Variants in GALNT13 observed in about 807,000 individuals in gnomAD.
GALNT13 encodes the protein UDP-GalNAc:polypeptide N-acetylgalactosaminyltransferase 13.
In GALNT13, 28 loss-of-function variants were observed where a neutral mutation model predicts 64.2. The ratio of observed to expected loss-of-function variants is 0.44; its 90% CI spans 0.32 to 0.60. The LOEUF is 0.60. Ranked by LOEUF, GALNT13 falls within the 20% of genes least tolerant of loss-of-function variation. The pLI, the probability that GALNT13 is intolerant of heterozygous loss-of-function variation, is 0.05. For missense variants in GALNT13, 577 were observed against 669.8 expected, an observed-to-expected ratio of 0.86 and a Z score of 1.53; for synonymous variants, 214 against 224.6, an observed-to-expected ratio of 0.95 and a Z score of 0.42.
chr2:153,918,722 A>G (rs1233207265), intron 2 of GALNT13, among the ~76,000 whole-genome samples: 1 of 152,106 alleles, frequency 6.6e-6, no homozygotes, highest in African/African-American at 2.4e-5. Flanking sequence ...TGCATGTTCA[A>G]CCTTGTCCCT....
At chr2:153,519,625 C>G in the GALNT13 span, among the ~76,000 whole-genome samples, 34 of 152,270 alleles carry the variant, frequency 2.2e-4, no homozygotes, top group African/African-American at 8.2e-4. Context: ...TCAAGCCATT[C>G]TGTTGCTAGC....
chr2:153,614,369 AATT>A, the GALNT13 span, among the ~76,000 whole-genome samples: 2 of 152,098 alleles, frequency 1.3e-5, no homozygotes, highest in Non-Finnish European at 2.9e-5. Flanking sequence ...GTATGATTAT[AATT>A]ATTATTAATA....
chr2:153,502,679 T>C, the GALNT13 span, among the ~76,000 whole-genome samples: 1 of 152,236 alleles, frequency 6.6e-6, no homozygotes, highest in African/African-American at 2.4e-5. Context: ...TTTTCCATAG[T>C]TGTACTAGGT....
At chr2:154,007,177 T>G (rs1302209842) in intron 3 of GALNT13, among the ~76,000 whole-genome samples, 1 of 152,228 alleles carries the variant, frequency 6.6e-6, no homozygotes, top group Admixed American at 6.5e-5. Context: ...TAGGGCCCTG[T>G]GGCGAGGCAC....
chr2:154,336,884 A>T (rs1695472659), intron 9 of GALNT13, among the ~76,000 whole-genome samples: 1 of 152,108 alleles, frequency 6.6e-6, no homozygotes, highest in South Asian at 2.1e-4. Context: ...AACCACTGAG[A>T]TAAGAATCCT....
intron 3 of GALNT13, among the ~76,000 whole-genome samples, chr2:153,953,540 G>A (rs1692351997): frequency 6.6e-6 from 1 of 152,136 alleles, no homozygotes; most frequent in Non-Finnish European, 1.5e-5. Flanking sequence ...TTATTATAGT[G>A]TAAGTTCACA....
the GALNT13 span, among the ~76,000 whole-genome samples, chr2:153,468,215 G>A: frequency 1.3e-5 from 2 of 151,850 alleles, no homozygotes; most frequent in East Asian, 3.9e-4. Flanking sequence ...ATTGAATCAT[G>A]GAACACTGTT....
the GALNT13 span, among the ~76,000 whole-genome samples, chr2:153,644,899 T>C: frequency 1.3e-5 from 2 of 152,158 alleles, no homozygotes; most frequent in Admixed American, 6.6e-5. Flanking sequence ...CAAACTAATA[T>C]GTCTATGGGA....
the GALNT13 span, among the ~76,000 whole-genome samples, chr2:153,661,342 C>A: frequency 6.6e-6 from 1 of 152,088 alleles, no homozygotes; most frequent in African/African-American, 2.4e-5. Context: ...TGCTCAAAAT[C>A]ACTGGGACCT....
At chr2:154,266,258 T>A (rs967782812) in intron 8 of GALNT13, among the ~76,000 whole-genome samples, 2 of 152,158 alleles carry the variant, frequency 1.3e-5, no homozygotes. Context: ...AACATTATAC[T>A]GGAAGTTTTA....
intron 3 of GALNT13, among the ~76,000 whole-genome samples, chr2:154,031,731 G>T (rs867407028): frequency 1.6e-4 from 25 of 151,854 alleles, no homozygotes; most frequent in African/African-American, 5.3e-4. Flanking sequence ...AAATATATAT[G>T]TACTTAACAA....
chr2:153,317,441 G>GT, the GALNT13 span, among the ~76,000 whole-genome samples: 19 of 152,078 alleles, frequency 1.2e-4, no homozygotes, highest in Non-Finnish European at 2.1e-4. Flanking sequence ...CAAGTAAACT[G>GT]TAATTCTTTG....
At chr2:154,319,328 T>C (rs372987900) in intron 9 of GALNT13, among the ~76,000 whole-genome samples, 22 of 152,318 alleles carry the variant, frequency 1.4e-4, no homozygotes, top group East Asian at 9.6e-4. Flanking sequence ...AACAATTCTA[T>C]AGTGAATGTT....
the GALNT13 span, among the ~76,000 whole-genome samples, chr2:153,195,242 C>T: frequency 6.6e-6 from 1 of 152,098 alleles, no homozygotes; most frequent in Non-Finnish European, 1.5e-5. Context: ...CCTCTGTGTC[C>T]CATGGTGCCT....
the GALNT13 span, among the ~76,000 whole-genome samples, chr2:153,359,630 C>CAAAAAAAAA: frequency 5.5e-3 from 212 of 38,238 alleles, 31 homozygotes; most frequent in Non-Finnish European, 7.5e-3. Flanking sequence ...CAGCTTTCAG[C>CAAAAAAAAA]AAAAAAAAAA....
chr2:153,514,796 G>A, the GALNT13 span, among the ~76,000 whole-genome samples: 1 of 152,114 alleles, frequency 6.6e-6, no homozygotes, highest in African/African-American at 2.4e-5. Context: ...TTGGATACTT[G>A]GTTGGATCCT....
the GALNT13 span, among the ~76,000 whole-genome samples, chr2:153,355,329 A>G: frequency 1.3e-5 from 2 of 152,182 alleles, no homozygotes; most frequent in Admixed American, 6.5e-5. Flanking sequence ...AATGTATGCT[A>G]TATTTCTGAC....
the GALNT13 span, among the ~76,000 whole-genome samples, chr2:153,700,982 G>GA: frequency 5.3e-5 from 8 of 150,734 alleles, no homozygotes; most frequent in South Asian, 1.0e-3. Context: ...AACAGAATTA[G>GA]AAAAAAAAAC....
chr2:154,411,832 C>T (rs969864), intron 11 of GALNT13, among the ~76,000 whole-genome samples: 7,259 of 151,450 alleles, frequency 0.048, 226 homozygotes, highest in Middle Eastern at 0.079. Flanking sequence ...GTTGCATTAC[C>T]CTGATCTGAT....
Sources: gnomAD v4.1 joint callset for allele counts (sites outside exome capture counted in the v4.1 genomes callset) on GRCh38, gnomAD v4.1.1 for gene constraint, MANE v1.5 for transcripts, NCBI Gene and HGNC (gene_info 2026-07-23, HGNC 2026-07-21) for gene names.